CCDC158: variants seen among roughly 807,000 people sequenced by gnomAD.
CCDC158 encodes coiled-coil domain containing 158, also known as coiled-coil domain-containing protein 158.
In CCDC158, 116 loss-of-function variants were observed where a neutral mutation model predicts 138.6. That is an observed-to-expected ratio of 0.84 (90% CI 0.72 to 0.98). The LOEUF is 0.98. Ranked by LOEUF, CCDC158 falls within the 50% of genes least tolerant of loss-of-function variation. CCDC158 has a pLI of 0.00. For missense variants in CCDC158, 1,265 were observed against 1,306.1 expected, an observed-to-expected ratio of 0.97 and a Z score of 0.48; for synonymous variants, 436 against 442.4, an observed-to-expected ratio of 0.99 and a Z score of 0.18.
chr4:76,319,934 C>T (rs1406388450), intron 24 of CCDC158, among the ~76,000 whole-genome samples: 2 of 152,054 alleles, frequency 1.3e-5, no homozygotes, highest in African/African-American at 2.4e-5. Context: ...ACTGGAAGTC[C>T]TAGTCAGAGC....
chr4:76,334,948 T>C (rs1721336572), intron 18 of CCDC158, among the ~76,000 whole-genome samples: 1 of 152,198 alleles, frequency 6.6e-6, no homozygotes, highest in Non-Finnish European at 1.5e-5. Context: ...AGAGCTGATG[T>C]TACTGGTATA....
At chr4:76,420,554 TG>T (rs1166983674) in intron 1 of CCDC158, among the ~76,000 whole-genome samples, 5 of 152,290 alleles carry the variant, frequency 3.3e-5, no homozygotes, top group Admixed American at 6.5e-5. Flanking sequence ...AAAGGGCCCT[TG>T]CGCCGGCATT....
chr4:76,336,319 C>T (rs1478449347), intron 18 of CCDC158, among the ~76,000 whole-genome samples: 1 of 151,918 alleles, frequency 6.6e-6, no homozygotes, highest in Non-Finnish European at 1.5e-5. Flanking sequence ...TGTTGCTCCT[C>T]CAGTGAAAAT....
chr4:76,333,565 C>A (rs931428800), intron 19 of CCDC158, among the ~76,000 whole-genome samples: 4 of 152,108 alleles, frequency 2.6e-5, no homozygotes, highest in African/African-American at 9.7e-5. Flanking sequence ...CGAAGTATTT[C>A]CTATTATCTC....
chr4:76,386,222 A>G (rs1360504651), intron 4 of CCDC158, among the ~76,000 whole-genome samples: 3 of 152,204 alleles, frequency 2.0e-5, no homozygotes, highest in African/African-American at 7.2e-5. Context: ...TGGGAACACC[A>G]AATTTTAAAA....
chr4:76,376,073 G>A (rs541441617), intron 9 of CCDC158, among the ~76,000 whole-genome samples: 1 of 142,204 alleles, frequency 7.0e-6, no homozygotes, highest in Non-Finnish European at 1.5e-5. Flanking sequence ...TTTTTTTTCT[G>A]AGACAGGGTC....
chr4:76,400,777 AG>A (rs1728301640), intron 3 of CCDC158, among the ~76,000 whole-genome samples: 1 of 151,192 alleles, frequency 6.6e-6, no homozygotes, highest in African/African-American at 2.5e-5. Flanking sequence ...AAAATCTTGC[AG>A]CAGCCCATTG....
In CCDC158 at chr4:76,420,966, T is replaced by C. The variant is rs1477957507; in HGVS notation, c.-118A>G. Among the ~76,000 whole-genome samples the C allele has an allele frequency of 6.6e-6, 1 of 152,094 alleles. No homozygotes were observed. The highest frequency in any genetic ancestry group is 1.9e-4 in the East Asian group (1 of 5,140). On this transcript the variant is annotated splice_region_variant and 5_prime_UTR_variant, in exon 1 of 25. Transcript: ENST00000682701. Reference sequence around the variant, plus strand: ...TCCCGGGCCGCGCCCCGCTTGTACCTGCAACCAACACCTAATCCTAAGACA... The same window carrying C: ...TCCCGGGCCGCGCCCCGCTTGTACCCGCAACCAACACCTAATCCTAAGACA...
chr4:76,344,694 A>G, intron 18 of CCDC158: 3 of 1,614,004 alleles, frequency 1.9e-6, no homozygotes, highest in East Asian at 4.5e-5. Flanking sequence ...GTTTTCTGTT[A>G]CAAGGCAACA....
Position 76,353,282 on chromosome 4 carries a change from C to T in CCDC158, c.2287-1G>A, listed in dbSNP as rs1723228331. The T allele has an allele frequency of 6.3e-7, 1 of 1,598,956 alleles. No homozygotes were observed. The highest frequency in any genetic ancestry group is 1.7e-5 in the Admixed American group (1 of 57,964). ...TCTCTTCTTTCAGAAAATGTTTCTC[C>T]TACAATTATATGAGAGAAAAACATC... On this transcript the variant is annotated splice_acceptor_variant, in intron 15 of 24. Coordinates refer to ENST00000682701, the MANE Select transcript of CCDC158 (RefSeq NM_001394954.1). LOFTEE classifies it high-confidence loss of function.
intron 3 of CCDC158, among the ~76,000 whole-genome samples, chr4:76,400,601 AC>A (rs143839058): frequency 0.031 from 4,354 of 139,450 alleles, 209 homozygotes; most frequent in African/African-American, 0.11. Flanking sequence ...CCCACCCACC[AC>A]CCCCCCAAAA....
intron 14 of CCDC158, 74 bp downstream of exon 14, chr4:76,357,300 G>A (rs1723666191): frequency 2.9e-6 from 3 of 1,037,634 alleles, no homozygotes; most frequent in South Asian, 2.2e-5. Flanking sequence ...TAACGTATTT[G>A]AGTTTCTGTT....
chr4:76,401,150 T>C, intron 3 of CCDC158: 1 of 269,568 alleles, frequency 3.7e-6, no homozygotes, highest in South Asian at 4.0e-5. Context: ...TACCTTCATG[T>C]GCAGAAAATA....
intron 2 of CCDC158, among the ~76,000 whole-genome samples, chr4:76,403,541 C>T (rs114969629): frequency 0.014 from 2,160 of 152,252 alleles, 29 homozygotes; most frequent in Non-Finnish European, 0.023. Flanking sequence ...AGAGGTTTCT[C>T]ATAAGGTTAC....
rs535960012 is a variant in CCDC158 at position 76,367,266 on chromosome 4, A to T, written c.1830+28T>A. 2.3e-5 allele frequency: 36 copies of T among 1,589,102 alleles called. No individual in the cohort carries two copies. In the South Asian group the frequency reaches 3.7e-4, roughly 16 times the overall value. On this transcript the variant is annotated intron_variant, in intron 12 of 24. Coordinates refer to ENST00000682701, the MANE Select transcript of CCDC158 (RefSeq NM_001394954.1). ...ACCTGCTAATAAATGATATTTCAGA[A>T]GTTAAATCACAAAAAAACTCTACAG...
intron 12 of CCDC158, among the ~76,000 whole-genome samples, chr4:76,363,323 T>C (rs1724335753): frequency 6.6e-6 from 1 of 152,230 alleles, no homozygotes; most frequent in Non-Finnish European, 1.5e-5. Context: ...TGCATAACTC[T>C]ACTCGGAGAA....
At chr4:76,358,577 A>G (rs546738054) in intron 13 of CCDC158, among the ~76,000 whole-genome samples, 5 of 152,210 alleles carry the variant, frequency 3.3e-5, no homozygotes, top group African/African-American at 1.2e-4. Flanking sequence ...TCACATTTTG[A>G]TATTTCATGG....
intron 8 of CCDC158, 43 bp downstream of exon 8, chr4:76,382,567 C>A: frequency 2.5e-6 from 3 of 1,188,564 alleles, no homozygotes; most frequent in Admixed American, 1.8e-5. Context: ...AGAATAATAT[C>A]TTTAAAATGA....
At chr4:76,368,798 C>A (rs146412958) in intron 11 of CCDC158, among the ~76,000 whole-genome samples, 1 of 152,068 alleles carries the variant, frequency 6.6e-6, no homozygotes, top group Admixed American at 6.6e-5. Context: ...TGCTTCTCTG[C>A]AGCAGAAATA....
Sources: gnomAD v4.1 joint callset for allele counts (sites outside exome capture counted in the v4.1 genomes callset) on GRCh38, gnomAD v4.1.1 for gene constraint, MANE v1.5 for transcripts, NCBI Gene and HGNC (gene_info 2026-07-23, HGNC 2026-07-21) for gene names.